The following DENND4C variants were observed in gnomAD, a reference collection of about 807,000 sequenced individuals.
The protein encoded by DENND4C is DENN domain containing 4C.
DENND4C carries 108 observed loss-of-function variants against 203.0 expected under a neutral mutation model. The observed-to-expected ratio is 0.53, with a 90% CI of 0.46 to 0.62. The LOEUF (loss-of-function observed/expected upper bound fraction) is 0.62, where lower values mean the gene tolerates loss of function less well. Ranked by LOEUF, DENND4C falls within the 20% of genes least tolerant of loss-of-function variation. The probability of loss-of-function intolerance (pLI) is 0.00; values close to 1 mark genes in which losing one functional copy is unlikely to be tolerated. For missense variants in DENND4C, 2,481 were observed against 2,301.2 expected, an observed-to-expected ratio of 1.08 and a Z score of -1.60; for synonymous variants, 871 against 792.4, an observed-to-expected ratio of 1.10 and a Z score of -1.67.
chr9:19,316,195 A>T, intron 10 of DENND4C, among the ~76,000 whole-genome samples: 1 of 152,178 alleles, frequency 6.6e-6, no homozygotes, highest in East Asian at 1.9e-4. Context: ...CAACATTGAA[A>T]ATATATGTTG....
Position 19,316,800 on chromosome 9 carries a change from A to G in DENND4C, c.1768A>G (p.Asn590Asp), listed in dbSNP as rs1347903102. The G allele has an allele frequency of 3.7e-6, 6 of 1,613,720 alleles. No individual in the cohort carries two copies. The African/African-American group carries it at 4.0e-5, about 11-fold the overall frequency. ...CAGACCAATCACAGAGGCTCCTTCA[A>G]ATAAAGCCACAGCTGCTGATTCATT... is the stretch of plus-strand genomic sequence containing the variant. ...YLRPITEAPS[N>D]KATAADSLFD... The change falls in exon 12 of 33, where the codon AAT becomes GAT. Residue 590 changes from asparagine to aspartate, a missense_variant. Asn to Asp is a conservative substitution (Grantham distance 23). This residue lies in a region of DENND4C where 2,289 missense variants were observed against 2,113.3 expected (regional missense o/e 1.08). Transcript: ENST00000434457.
intron 19 of DENND4C, 37 bp from the exon 20 acceptor site, chr9:19,336,649 G>C (rs779568312): frequency 2.0e-6 from 3 of 1,536,902 alleles, no homozygotes; most frequent in Non-Finnish European, 2.6e-6. Context: ...GATTATCAAT[G>C]CATGAGTTAT....
intron 1 of DENND4C, among the ~76,000 whole-genome samples, chr9:19,266,983 A>G (rs1016886374): frequency 6.6e-6 from 1 of 152,158 alleles, no homozygotes; most frequent in African/African-American, 2.4e-5. Flanking sequence ...TATTTGACGT[A>G]CTTTCAGTTT....
intron 1 of DENND4C, among the ~76,000 whole-genome samples, chr9:19,255,795 G>A (rs116431083): frequency 1.3e-4 from 20 of 152,202 alleles, no homozygotes; most frequent in South Asian, 2.1e-4. Flanking sequence ...TGCCATTCTC[G>A]TACTAGTTGA....
chr9:19,311,890 A>T (rs75843793), intron 10 of DENND4C, among the ~76,000 whole-genome samples: 3,235 of 152,314 alleles, frequency 0.021, 120 homozygotes, highest in African/African-American at 0.073. Context: ...ACATTTGTCA[A>T]AATTACAAAT....
Position 19,358,117 on chromosome 9 carries a change from G to T in DENND4C, c.5117G>T (p.Gly1706Val). ...GACTTTACCCAGCGACCGTTTCATG[G>T]CATCTCAACAGTTAGTCTTCCAAAT... ...NIDFTQRPFH[G>V]ISTVSLPNSL... Residue 1706 changes from glycine (G) to valine (V), a missense_variant, in exon 28 of 33, where the codon GGC becomes GTC. Physicochemically the swap from Gly to Val is moderately radical, Grantham distance 109. This residue lies in a region of DENND4C where 2,289 missense variants were observed against 2,113.3 expected (regional missense o/e 1.08). Coordinates refer to ENST00000434457, the MANE Select transcript of DENND4C (RefSeq NM_001330640.2). This position sits in a 1 kb window ranked among gnomAD's most constrained non-coding sequence, Gnocchi z 4.8. The T allele has an allele frequency of 6.2e-7, 1 of 1,613,846 alleles. No individual in the cohort carries two copies.
intron 29 of DENND4C, 25 bp downstream of exon 29, chr9:19,360,514 C>A (rs375593504): frequency 2.4e-5 from 38 of 1,613,260 alleles, no homozygotes; most frequent in Non-Finnish European, 2.8e-5. Flanking sequence ...TTTATACTTA[C>A]ATTAGTATTC....
At chr9:19,304,632 A>G (rs4977531) in intron 9 of DENND4C, among the ~76,000 whole-genome samples, 120,371 of 150,824 alleles carry the variant, frequency 0.8, 48,538 homozygotes, top group East Asian at 0.99. Context: ...CACCTCCCAG[A>G]TTCACGCCAT....
At chr9:19,275,039 C>G (rs1274628675) in intron 1 of DENND4C, among the ~76,000 whole-genome samples, 1 of 152,136 alleles carries the variant, frequency 6.6e-6, no homozygotes, top group Non-Finnish European at 1.5e-5. Context: ...TGCAGTGGCA[C>G]GATCCTGGCT....
At position 19,336,421 on chromosome 9, in the gene DENND4C, C is replaced by T. The variant is rs1289681325; in HGVS notation, c.2734+7C>T. 9.3e-6 allele frequency: 15 copies of T among 1,606,710 alleles called. No individual in the cohort carries two copies. Among genetic ancestry groups the T allele is most frequent in the African/African-American group, 2.7e-5 (2 of 74,440 alleles). ...CAGGTCTCCTCAATATCAGGTAATA[C>T]ATGTGATTAGAAATATAATTCCTTA... On this transcript the variant is annotated splice_region_variant and intron_variant, in intron 19 of 32. Transcript: ENST00000434457.
intron 2 of DENND4C, among the ~76,000 whole-genome samples, chr9:19,281,682 G>A (rs982037567): frequency 5.9e-5 from 9 of 152,230 alleles, no homozygotes; most frequent in Non-Finnish European, 1.0e-4. Flanking sequence ...ATCACTTAAC[G>A]ATGGGAATAC....
chr9:19,291,150 A>G (rs756961364), intron 5 of DENND4C, among the ~76,000 whole-genome samples: 20 of 152,294 alleles, frequency 1.3e-4, no homozygotes, highest in South Asian at 8.3e-4. Context: ...CAGATCAAGG[A>G]CATAGGTACC....
At chr9:19,249,159 A>G (rs1343629083) in intron 1 of DENND4C, among the ~76,000 whole-genome samples, 1 of 152,000 alleles carries the variant, frequency 6.6e-6, no homozygotes, top group Non-Finnish European at 1.5e-5. Context: ...AAGCTCCATA[A>G]AGACAAGTAT....
At chr9:19,233,472 A>G (rs1020353624) in intron 1 of DENND4C, among the ~76,000 whole-genome samples, 10 of 151,340 alleles carry the variant, frequency 6.6e-5, no homozygotes, top group African/African-American at 2.2e-4. Flanking sequence ...GAAACTTAAT[A>G]TTTTGCAGGA....
chr9:19,307,538 G>A (rs1327047339), intron 10 of DENND4C, among the ~76,000 whole-genome samples: 2 of 151,994 alleles, frequency 1.3e-5, no homozygotes, highest in African/African-American at 4.8e-5. Context: ...GGGAGGCCGA[G>A]GCAGATGGAT....
chr9:19,365,865 A>G (rs1043530900), intron 30 of DENND4C, among the ~76,000 whole-genome samples: 29 of 152,040 alleles, frequency 1.9e-4, no homozygotes, highest in Non-Finnish European at 3.4e-4. Flanking sequence ...GATAAATTGA[A>G]CCAAAGAAAT....
chr9:19,357,286 C>A, intron 27 of DENND4C, 132 bp downstream of exon 27: 1 of 638,960 alleles, frequency 1.6e-6, no homozygotes, highest in Non-Finnish European at 2.5e-6. Flanking sequence ...AACTTATTAC[C>A]ACATAGTGTT....
chr9:19,314,117 T>C (rs1841289130), intron 10 of DENND4C, among the ~76,000 whole-genome samples: 2 of 151,078 alleles, frequency 1.3e-5, no homozygotes. Flanking sequence ...ACAATGGACT[T>C]TGGGGACTTG....
At chr9:19,354,017 G>A (rs143112589) in intron 26 of DENND4C, among the ~76,000 whole-genome samples, 1 of 152,110 alleles carries the variant, frequency 6.6e-6, no homozygotes, top group Non-Finnish European at 1.5e-5. Flanking sequence ...GGGCCCTCTC[G>A]TGTTTATCCT....
Sources: allele counts gnomAD v4.1 joint callset (sites outside exome capture counted in the v4.1 genomes callset), GRCh38; gene constraint gnomAD v4.1.1; regional missense constraint gnomAD v4.1.1; non-coding constraint Gnocchi (gnomAD v3.1); transcripts MANE v1.5; gene names NCBI Gene and HGNC (gene_info 2026-07-23, HGNC 2026-07-21).